Variants in NFIB observed in about 807,000 individuals in gnomAD.
NFIB encodes the protein nuclear factor 1 B-type.
Under a neutral mutation model 61.5 loss-of-function variants are expected in NFIB, and 11 were observed. That is an observed-to-expected ratio of 0.18 (90% CI 0.11 to 0.30). The LOEUF (loss-of-function observed/expected upper bound fraction) is 0.30, where lower values mean the gene tolerates loss of function less well. NFIB is among the 10% of genes least tolerant of loss of function. NFIB has a pLI of 1.00. For missense variants in NFIB, 471 were observed against 608.9 expected, an observed-to-expected ratio of 0.77 and a Z score of 2.38; for synonymous variants, 260 against 216.5, an observed-to-expected ratio of 1.20 and a Z score of -1.76.
rs1295260904 is a variant in NFIB at position 14,334,648 on chromosome 9, T to C, written c.109-27128A>G. Among the ~76,000 whole-genome samples, 3 of 152,316 alleles carry C rather than the reference T, an allele frequency of 2.0e-5. No homozygotes were observed. In the East Asian group the frequency reaches 5.8e-4, roughly 29 times the overall value. ...TTTGAGGCTTACAATTCCACTCTTT[T>C]AATGTTGCAATATTTTTTTTAAAAA... On this transcript the variant is annotated intron_variant, in intron 1 of 8. Coordinates refer to the NFIB transcript ENST00000380934.
intron 3 of NFIB, among the ~76,000 whole-genome samples, chr9:14,165,304 A>G (rs1186245001): frequency 6.6e-6 from 1 of 152,180 alleles, no homozygotes; most frequent in African/African-American, 2.4e-5. Flanking sequence ...AAACTTGAAT[A>G]CCTAAATTTG....
the NFIB span, among the ~76,000 whole-genome samples, chr9:14,418,154 G>A: frequency 1.3e-5 from 2 of 152,182 alleles, no homozygotes; most frequent in Non-Finnish European, 2.9e-5. Context: ...CACTGTAAAT[G>A]TAATATAATC....
chr9:14,249,264 T>C (rs2055298927), intron 2 of NFIB, among the ~76,000 whole-genome samples: 1 of 152,252 alleles, frequency 6.6e-6, no homozygotes, highest in Non-Finnish European at 1.5e-5. Flanking sequence ...AAGCAAATTA[T>C]GAGTCAAAGA....
chr9:14,364,014 C>G (rs1013209442), intron 1 of NFIB, among the ~76,000 whole-genome samples: 1 of 152,130 alleles, frequency 6.6e-6, no homozygotes. Context: ...TTGCAAACAT[C>G]ATTTTACTCT....
intron 2 of NFIB, among the ~76,000 whole-genome samples, chr9:14,289,108 G>GTGTA (rs1554703199): frequency 6.9e-6 from 1 of 144,812 alleles, no homozygotes; most frequent in African/African-American, 2.6e-5. Flanking sequence ...GTGTGTGTAT[G>GTGTA]TGTGTGTGTA....
At chr9:14,254,056 C>T (rs896076572) in intron 2 of NFIB, among the ~76,000 whole-genome samples, 1 of 152,096 alleles carries the variant, frequency 6.6e-6, no homozygotes, top group Admixed American at 6.6e-5. Flanking sequence ...AATCCCAGCA[C>T]TTTGGGAGGC....
chr9:14,217,180 G>C (rs1042359071), intron 2 of NFIB, among the ~76,000 whole-genome samples: 2 of 152,096 alleles, frequency 1.3e-5, no homozygotes, highest in Non-Finnish European at 2.9e-5. Context: ...AAAGCTTCCA[G>C]ATAATAACTT....
At chr9:14,436,925 C>T in the NFIB span, among the ~76,000 whole-genome samples, 10 of 149,612 alleles carry the variant, frequency 6.7e-5, no homozygotes, top group African/African-American at 2.6e-4. Flanking sequence ...GCTGGCACCC[C>T]GGAAGGAAAT....
At chr9:14,377,413 C>T (rs1362741608) in intron 1 of NFIB, among the ~76,000 whole-genome samples, 1 of 152,134 alleles carries the variant, frequency 6.6e-6, no homozygotes, top group African/African-American at 2.4e-5. Context: ...GAAATGGGGT[C>T]TTGCTCTATT....
chr9:14,492,109 A>G, the NFIB span, among the ~76,000 whole-genome samples: 2 of 152,284 alleles, frequency 1.3e-5, no homozygotes, highest in East Asian at 1.9e-4. Flanking sequence ...CAAGCCTGTA[A>G]TCCCAGCACT....
intron 1 of NFIB, among the ~76,000 whole-genome samples, chr9:14,320,317 G>A (rs117644697): frequency 5.3e-5 from 8 of 152,256 alleles, no homozygotes; most frequent in Non-Finnish European, 1.0e-4. Flanking sequence ...CCCAACCACC[G>A]ATGATAATTA....
In NFIB at chr9:14,082,770, TAAA is replaced by T. The variant is rs199891065; in HGVS notation, c.*5536_*5538del. The T allele has an allele frequency of 1.3e-5, 2 of 156,424 alleles. No homozygotes were observed. The highest frequency in any genetic ancestry group is 1.0e-4 in the East Asian group (1 of 10,016). 9.7% of individuals were successfully genotyped at this position (156,424 alleles called of 1,614,324 possible). A position where few individuals can be genotyped will look rare whatever the true frequency, so the allele number is the denominator to read the frequency against. ...AGGATGCATAAAAAGCCATACTTCT[TAAA>T]AAAAAAAAAAAGAAAAAAAAAGACT... is the stretch of plus-strand genomic sequence containing the variant. On this transcript the variant is annotated 3_prime_UTR_variant, in exon 11 of 11. Transcript: ENST00000380953.
chr9:14,496,969 GT>G, the NFIB span, among the ~76,000 whole-genome samples: 39 of 152,292 alleles, frequency 2.6e-4, no homozygotes, highest in African/African-American at 9.1e-4. Context: ...GAAAGGCTTA[GT>G]TCATTGTAGT....
chr9:14,259,979 T>C (rs1587985048), intron 2 of NFIB, among the ~76,000 whole-genome samples: 1 of 152,188 alleles, frequency 6.6e-6, no homozygotes, highest in South Asian at 2.1e-4. Context: ...GGCTTAATGC[T>C]GAGAAGTAGG....
chr9:14,529,905 T>C, the NFIB span, among the ~76,000 whole-genome samples: 1 of 152,168 alleles, frequency 6.6e-6, no homozygotes, highest in East Asian at 1.9e-4. Context: ...AAACGAACAA[T>C]CAGCTTATGC....
rs142445449 is a variant in NFIB at position 14,124,160 on chromosome 9, G to C, written c.1060+1472C>G. On this transcript the variant is annotated intron_variant, in intron 7 of 10. Coordinates refer to ENST00000380953, the MANE Select transcript of NFIB (RefSeq NM_001190737.2). Reference sequence around the variant, plus strand: ...ATCGGGTGAAGGACCAAGGTGGAGGGCTCATCTAGGTCTCTCCTGTTTCGT... The same window carrying C: ...ATCGGGTGAAGGACCAAGGTGGAGGCCTCATCTAGGTCTCTCCTGTTTCGT... Among the ~76,000 whole-genome samples the C allele has an allele frequency of 5.9e-3, 905 of 152,184 alleles. 8 individuals carry two copies. Among genetic ancestry groups the C allele is most frequent in the African/African-American group, 0.021 (853 of 41,518 alleles).
intron 1 of NFIB, among the ~76,000 whole-genome samples, chr9:14,323,901 G>A (rs1392684735): frequency 2.6e-5 from 4 of 152,174 alleles, no homozygotes; most frequent in African/African-American, 9.7e-5. Flanking sequence ...TATTTTCAGT[G>A]ATAATAAGTG....
the NFIB span, among the ~76,000 whole-genome samples, chr9:14,476,227 G>C: frequency 7.7e-6 from 1 of 129,498 alleles, no homozygotes; most frequent in Non-Finnish European, 1.7e-5. Context: ...CGATTTCCTA[G>C]AGTTTTTCTA....
rs148532630 is a variant in NFIB, at chr9:14,288,852, G to A, written c.562+18137C>T. The stretch of plus-strand genomic sequence containing the variant: ...CTTAAAATATTGAAAACAGTGCTCA[G>A]TACAGTGCTTCCACTCCATAAATGC... On this transcript the variant is annotated intron_variant, in intron 2 of 10. Transcript: ENST00000380953. Among the ~76,000 whole-genome samples the A allele has an allele frequency of 1.3e-3, 198 of 151,948 alleles. 3 individuals carry two copies. In the East Asian group the frequency reaches 0.029, roughly 22 times the overall value.
Sources: gnomAD v4.1 joint callset for allele counts (sites outside exome capture counted in the v4.1 genomes callset) on GRCh38, gnomAD v4.1.1 for gene constraint, MANE v1.5 for transcripts, NCBI Gene and HGNC (gene_info 2026-07-23, HGNC 2026-07-21) for gene names.